Variants in MRAP2 observed in about 807,000 individuals in gnomAD.
MRAP2 encodes melanocortin-2 receptor accessory protein 2.
MRAP2 carries 20 observed loss-of-function variants against 17.4 expected under a neutral mutation model. The observed-to-expected ratio is 1.15, with a 90% CI of 0.81 to 1.67. The LOEUF is 1.67. MRAP2 is among the 40% of genes most tolerant of loss of function. The pLI is 0.00. For missense variants in MRAP2, 238 were observed against 240.0 expected (o/e 0.99, Z 0.05); for synonymous variants, 96 against 88.4 (o/e 1.09, Z -0.48).
chr6:84,079,996 A>T (rs554027164), intron 3 of MRAP2, among the ~76,000 whole-genome samples: 29 of 151,448 alleles, frequency 1.9e-4, no homozygotes, highest in African/African-American at 6.6e-4. Context: ...CTCGTTTCAT[A>T]ACCTTCCCCA....
intron 1 of MRAP2, among the ~76,000 whole-genome samples, chr6:84,041,292 T>C (rs891342410): frequency 2.6e-5 from 4 of 152,134 alleles, no homozygotes; most frequent in African/African-American, 7.2e-5. Flanking sequence ...AGAGGATATA[T>C]AGAAATGCCT....
intron 1 of MRAP2, among the ~76,000 whole-genome samples, chr6:84,042,393 TC>T (rs935107938): frequency 1.3e-5 from 2 of 152,178 alleles, no homozygotes; most frequent in East Asian, 3.9e-4. Flanking sequence ...AATCCTTATT[TC>T]TAGGATTCTG....
chr6:84,130,406 T>G, the MRAP2 span, among the ~76,000 whole-genome samples: 1 of 152,180 alleles, frequency 6.6e-6, no homozygotes, highest in Non-Finnish European at 1.5e-5. Context: ...CTTTTTCTAT[T>G]GTGTGGAATA....
the MRAP2 span, among the ~76,000 whole-genome samples, chr6:84,115,605 C>T: frequency 9.0e-4 from 137 of 152,128 alleles, no homozygotes; most frequent in African/African-American, 2.7e-3. Context: ...GCTGGTGTTC[C>T]GGGCACCACT....
the MRAP2 span, among the ~76,000 whole-genome samples, chr6:84,144,646 A>G: frequency 6.6e-6 from 1 of 152,108 alleles, no homozygotes; most frequent in Non-Finnish European, 1.5e-5. Flanking sequence ...AATTTTTCAG[A>G]ATTCTAATGA....
At chr6:84,097,860 T>A in the MRAP2 span, among the ~76,000 whole-genome samples, 1 of 152,228 alleles carries the variant, frequency 6.6e-6, no homozygotes, top group Non-Finnish European at 1.5e-5. Flanking sequence ...AGAGATGTAT[T>A]CCTCTTTCCT....
chr6:84,075,347 A>G (rs2099497318), intron 3 of MRAP2, among the ~76,000 whole-genome samples: 1 of 152,228 alleles, frequency 6.6e-6, no homozygotes, highest in Non-Finnish European at 1.5e-5. Context: ...ACTGCAGAGG[A>G]AGAAAGACTG....
chr6:84,042,779 C>T (rs1366912325), intron 1 of MRAP2, among the ~76,000 whole-genome samples: 1 of 152,174 alleles, frequency 6.6e-6, no homozygotes, highest in African/African-American at 2.4e-5. Flanking sequence ...ACCACAAGAG[C>T]CACACATCCT....
intron 3 of MRAP2, among the ~76,000 whole-genome samples, chr6:84,075,823 A>G (rs1458269342): frequency 2.0e-5 from 3 of 152,138 alleles, no homozygotes; most frequent in South Asian, 2.1e-4. Context: ...TTGAATAGCA[A>G]TTTACCTGAA....
intron 3 of MRAP2, among the ~76,000 whole-genome samples, chr6:84,083,655 A>G (rs2099499560): frequency 6.6e-6 from 1 of 152,172 alleles, no homozygotes; most frequent in Non-Finnish European, 1.5e-5. Flanking sequence ...CAACAAACTT[A>G]AAACCAGCTT....
chr6:84,038,230 CA>C (rs1420017943), intron 1 of MRAP2, among the ~76,000 whole-genome samples: 1 of 152,232 alleles, frequency 6.6e-6, no homozygotes, highest in Non-Finnish European at 1.5e-5. Flanking sequence ...GTATTACTAA[CA>C]CACCCATGTG....
At chr6:84,070,150 T>C (rs1337565880) in intron 3 of MRAP2, among the ~76,000 whole-genome samples, 1 of 152,138 alleles carries the variant, frequency 6.6e-6, no homozygotes, top group Non-Finnish European at 1.5e-5. Context: ...GTTTGGTTTG[T>C]TCTTTTTTCT....
chr6:84,054,231 C>T (rs1262095862), intron 1 of MRAP2, among the ~76,000 whole-genome samples: 1 of 152,202 alleles, frequency 6.6e-6, no homozygotes, highest in Non-Finnish European at 1.5e-5. Flanking sequence ...CTGTGGAGTA[C>T]TGATCTGTCT....
At chr6:84,131,318 TTC>T in the MRAP2 span, among the ~76,000 whole-genome samples, 1 of 152,292 alleles carries the variant, frequency 6.6e-6, no homozygotes, top group South Asian at 2.1e-4. Flanking sequence ...CTGAGAAGAA[TTC>T]TGTTGATTTG....
chr6:84,056,697 A>G (rs932120477), intron 2 of MRAP2, among the ~76,000 whole-genome samples: 4 of 152,224 alleles, frequency 2.6e-5, no homozygotes, highest in South Asian at 4.1e-4. Flanking sequence ...GTGGATATCA[A>G]AATGACTGGG....
the MRAP2 span, among the ~76,000 whole-genome samples, chr6:84,134,807 T>TC: frequency 4.6e-4 from 69 of 151,314 alleles, no homozygotes; most frequent in Middle Eastern, 3.2e-3. Context: ...CTTGCCAGCC[T>TC]CCCCCCCACA....
At chr6:84,071,000 G>A (rs530561362) in intron 3 of MRAP2, among the ~76,000 whole-genome samples, 90 of 152,218 alleles carry the variant, frequency 5.9e-4, no homozygotes, top group African/African-American at 2.0e-3. Flanking sequence ...TAGTTGGTTG[G>A]TGGGTTCTTA....
Position 84,084,727 on chromosome 6 carries a change from T to G in MRAP2, c.228-4364T>G, listed in dbSNP as rs1002728390. Among the ~76,000 whole-genome samples, 6 of 152,078 alleles carry G rather than the reference T, an allele frequency of 3.9e-5. No individual in the cohort carries two copies. The East Asian group carries it at 1.2e-3, about 29-fold the overall frequency. Reference sequence around the variant, plus strand: ...TGCAGTTTCTATTTCATCTCTAAGATAAACAGGCTTGGGGAGTTTGAATGA... The same window carrying G: ...TGCAGTTTCTATTTCATCTCTAAGAGAAACAGGCTTGGGGAGTTTGAATGA... On this transcript the variant is annotated intron_variant, in intron 3 of 3. Coordinates refer to ENST00000257776, the MANE Select transcript of MRAP2 (RefSeq NM_138409.4).
At chr6:84,077,125 A>C (rs1562888107) in intron 3 of MRAP2, among the ~76,000 whole-genome samples, 1 of 152,246 alleles carries the variant, frequency 6.6e-6, no homozygotes. Flanking sequence ...AGTATATAGA[A>C]GAGAAAGACC....
Sources: gnomAD v4.1 joint callset for allele counts (sites outside exome capture counted in the v4.1 genomes callset) on GRCh38, gnomAD v4.1.1 for gene constraint, MANE v1.5 for transcripts, NCBI Gene and HGNC (gene_info 2026-07-23, HGNC 2026-07-21) for gene names.